Variants in MCM8 observed in about 807,000 individuals in gnomAD.
MCM8 encodes DNA helicase MCM8.
MCM8 carries 85 observed loss-of-function variants against 98.9 expected under a neutral mutation model. The observed-to-expected ratio is 0.86, with a 90% confidence interval of 0.72 to 1.03. The LOEUF is 1.03. MCM8 is among the 50% of genes least tolerant of loss of function. MCM8 has a pLI of 0.00. For missense variants in MCM8, 951 were observed against 997.8 expected (o/e 0.95, Z 0.63); for synonymous variants, 352 against 338.6 (o/e 1.04, Z -0.44).
At chr20:5,969,316 G>T (rs1386810193) in intron 10 of MCM8, among the ~76,000 whole-genome samples, 1 of 152,166 alleles carries the variant, frequency 6.6e-6, no homozygotes, top group Non-Finnish European at 1.5e-5. Flanking sequence ...TCTTGGCCAG[G>T]CACAGTGGCT....
intron 6 of MCM8, among the ~76,000 whole-genome samples, chr20:5,957,588 G>T (rs1208423281): frequency 1.3e-5 from 2 of 152,154 alleles, no homozygotes; most frequent in African/African-American, 4.8e-5. Context: ...AAAACTTTGA[G>T]CCCTGACACG....
At chr20:5,979,823 G>A (rs1369336909) in intron 13 of MCM8, among the ~76,000 whole-genome samples, 4 of 152,110 alleles carry the variant, frequency 2.6e-5, no homozygotes, top group South Asian at 4.1e-4. Flanking sequence ...TGTTACTCTT[G>A]CTCATAACCC....
Position 5,986,012 on chromosome 20 carries a change from T to G in MCM8, c.2044T>G (p.Ser682Ala). 2.5e-6 allele frequency: 4 copies of G among 1,614,216 alleles called. No homozygotes were observed. The highest frequency in any genetic ancestry group is 1.3e-5 in the African/African-American group (1 of 75,062). The change falls in exon 16 of 19, where the codon TCC (serine) becomes GCC (alanine). Residue 682 changes from serine (S) to alanine (A), a missense_variant. Ser to Ala is a moderately conservative substitution (Grantham distance 99). Coordinates refer to ENST00000610722, the MANE Select transcript of MCM8 (RefSeq NM_032485.6). ...TCGGCAGTATGTGTACCCAAGGCTA[T>G]CCACAGAAGCTGCTCGAGTTCTTCA... ...YARQYVYPRL[S>A]TEAARVLQDF...
intron 12 of MCM8, among the ~76,000 whole-genome samples, chr20:5,977,601 A>G (rs1438147759): frequency 1.3e-5 from 2 of 152,216 alleles, no homozygotes; most frequent in African/African-American, 4.8e-5. Flanking sequence ...TATTTATATG[A>G]CCACAGACTT....
chr20:5,952,969 G>C (rs1328658223), intron 3 of MCM8, among the ~76,000 whole-genome samples: 1 of 152,168 alleles, frequency 6.6e-6, no homozygotes, highest in East Asian at 1.9e-4. Flanking sequence ...AGCTATGCTT[G>C]GACTTCTGAA....
In MCM8 at chr20:5,984,938, C is replaced by T; in HGVS notation, c.1891C>T (p.Gln631Ter). 1 of 1,614,064 alleles carries T rather than the reference C, an allele frequency of 6.2e-7. No homozygotes were observed. ...SSATVARMNS[Q>*]DSNTSVLEVV... ...TGCCACAGTAGCTCGTATGAATAGT[C>T]AAGATTCAAATACTTCCGTACTTGA... is the stretch of plus-strand genomic sequence containing the variant. The change falls in exon 15 of 19, where the codon CAA becomes TAA. Residue 631 changes from glutamine to a stop codon, truncating the protein, a stop_gained. Transcript: ENST00000610722. LOFTEE classifies it high-confidence loss of function.
chr20:5,994,363 C>T lies in MCM8; in HGVS notation c.2495C>T (p.Pro832Leu). Residue 832 changes from proline (P) to leucine (L), a missense_variant, in exon 19 of 19, where the codon CCA (proline) becomes CTA (leucine). Coordinates refer to ENST00000610722, the MANE Select transcript of MCM8 (RefSeq NM_032485.6). ...NDQGYLLKKGPKVYQLQTM is the reference protein window; with the variant it reads ...NDQGYLLKKGLKVYQLQTM ...CAGGGTTACCTCTTGAAAAAAGGCCCAAAAGTTTACCAGCTTCAAACTATG... is the reference window on the plus strand; with the variant it reads ...CAGGGTTACCTCTTGAAAAAAGGCCTAAAAGTTTACCAGCTTCAAACTATG... 1 of 1,609,486 alleles carries T rather than the reference C, an allele frequency of 6.2e-7. No homozygotes were observed. The highest frequency in any genetic ancestry group is 2.2e-5 in the East Asian group (1 of 44,674).
chr20:5,993,711 T>C lies in MCM8; in HGVS notation c.2430+16T>C, dbSNP rs769966600. ...AAACATTCAGGTATGTTAAACTAGT[T>C]AATCTCTTTTGTAATAATTTCAGGA... On this transcript the variant is annotated intron_variant, in intron 18 of 18. Transcript: ENST00000610722. 3 of 1,552,114 alleles carry C rather than the reference T, an allele frequency of 1.9e-6. No individual in the cohort carries two copies. In the Admixed American group the frequency reaches 5.4e-5, roughly 28 times the overall value.
intron 8 of MCM8, among the ~76,000 whole-genome samples, chr20:5,964,864 CAT>C (rs537432972): frequency 8.2e-4 from 125 of 152,280 alleles, no homozygotes; most frequent in Middle Eastern, 3.4e-3. Context: ...GCTTTAATAA[CAT>C]GTGCATGTTT....
chr20:5,951,903 A>T, intron 1 of MCM8, 108 bp from the exon 2 acceptor site: 2 of 1,257,572 alleles, frequency 1.6e-6, no homozygotes, highest in Non-Finnish European at 2.1e-6. Context: ...CCTGTTTGCT[A>T]CTCTTGAACC....
At position 5,954,956 on chromosome 20, in the gene MCM8, T is replaced by G. The variant is rs2088934873; in HGVS notation, c.337-146T>G. ...TATATTTAAAATATCAGAACCATGC[T>G]TGGCACAAAGCTTATACTTATGTCA... On this transcript the variant is annotated intron_variant, in intron 4 of 18. Coordinates refer to ENST00000610722, the MANE Select transcript of MCM8 (RefSeq NM_032485.6). 12 of 637,802 alleles carry G rather than the reference T, an allele frequency of 1.9e-5. No homozygotes were observed. The South Asian group carries it at 2.7e-4, about 14-fold the overall frequency. The allele number at this position is 637,802 out of a possible 1,614,324, so 39.5% of individuals were successfully genotyped here.
intron 7 of MCM8, among the ~76,000 whole-genome samples, chr20:5,961,681 C>T (rs1358833951): frequency 2.0e-5 from 3 of 152,132 alleles, no homozygotes; most frequent in Admixed American, 2.0e-4. Context: ...ACTCTGTCAC[C>T]CAGGCTGGAG....
At chr20:5,985,897 C>G in intron 15 of MCM8, 25 bp from the exon 16 acceptor site, 2 of 1,608,640 alleles carry the variant, frequency 1.2e-6, no homozygotes, top group East Asian at 4.5e-5. Context: ...TCCTTGTTAT[C>G]TTGGGCCTTT....
intron 13 of MCM8, 84 bp from the exon 14 acceptor site, chr20:5,982,886 T>C (rs2122793967): frequency 1.8e-6 from 2 of 1,128,474 alleles, no homozygotes; most frequent in Non-Finnish European, 2.5e-6. Flanking sequence ...GAAATAATTA[T>C]TGTGAAACAA....
chr20:5,952,800 A>G (rs897574061), intron 3 of MCM8, among the ~76,000 whole-genome samples: 6 of 152,358 alleles, frequency 3.9e-5, no homozygotes, highest in Admixed American at 3.9e-4. Flanking sequence ...GAAAGGAAAT[A>G]TTGAGGTAAC....
chr20:5,985,738 G>C (rs2089718506), intron 15 of MCM8, among the ~76,000 whole-genome samples, 184 bp from the exon 16 acceptor site: 1 of 152,064 alleles, frequency 6.6e-6, no homozygotes, highest in African/African-American at 2.4e-5. Context: ...TAGAGATGGG[G>C]TTTTGCTGTG....
rs777654257 is a variant in MCM8, at chr20:5,983,208, CTTTAA to C, written c.1733+46_1733+50del. 31 of 1,451,018 alleles carry C rather than the reference CTTTAA, an allele frequency of 2.1e-5. No homozygotes were observed. In the Middle Eastern group the frequency reaches 7.1e-4, roughly 33 times the overall value. 89.9% of individuals were successfully genotyped at this position (1,451,018 alleles called of 1,614,324 possible). A position where few individuals can be genotyped will look rare whatever the true frequency, so the allele number is the denominator to read the frequency against. The stretch of plus-strand genomic sequence containing the variant: ...TTTATACCTTTAATGTATTGAATCA[CTTTAA>C]TTCAATAAGAAAAAGAAATAGTTCA... On this transcript the variant is annotated intron_variant, in intron 14 of 18. Transcript: ENST00000610722.
chr20:5,991,293 T>G (rs2089846681), intron 17 of MCM8: 2 of 152,188 alleles, frequency 1.3e-5, no homozygotes, highest in Admixed American at 1.3e-4. Context: ...TGGTTATACT[T>G]GGTATAAGAT....
intron 8 of MCM8, 43 bp downstream of exon 8, chr20:5,963,402 C>A: frequency 7.0e-7 from 1 of 1,425,396 alleles, no homozygotes; most frequent in South Asian, 1.1e-5. Flanking sequence ...CTTTAGATGT[C>A]ACACTGTTGA....
Sources: gnomAD v4.1 joint callset for allele counts (sites outside exome capture counted in the v4.1 genomes callset) on GRCh38, gnomAD v4.1.1 for gene constraint, MANE v1.5 for transcripts, NCBI Gene and HGNC (gene_info 2026-07-23, HGNC 2026-07-21) for gene names.